VAV3: variants seen among roughly 807,000 people sequenced by gnomAD.
VAV3 encodes guanine nucleotide exchange factor VAV3.
In VAV3, 94 loss-of-function variants were observed where a neutral mutation model predicts 131.2. That is an observed-to-expected ratio of 0.72 (90% confidence interval 0.61 to 0.85). The LOEUF is 0.85. VAV3 is among the 40% of genes least tolerant of loss of function. VAV3 has a pLI of 0.00. For missense variants in VAV3, 939 were observed against 1,002.7 expected (o/e 0.94, Z 0.86); for synonymous variants, 349 against 342.0 (o/e 1.02, Z -0.22).
chr1:107,847,565 T>C (rs752620345), intron 2 of VAV3, among the ~76,000 whole-genome samples: 19 of 151,598 alleles, frequency 1.3e-4, no homozygotes, highest in Non-Finnish European at 8.8e-5. Context: ...CAAATAGACA[T>C]AATAAAAAAT....
intron 2 of VAV3, among the ~76,000 whole-genome samples, chr1:107,806,618 T>A (rs1182428417): frequency 1.3e-5 from 2 of 152,172 alleles, no homozygotes; most frequent in Non-Finnish European, 2.9e-5. Flanking sequence ...TTATTGTAAA[T>A]CCTCTATAAT....
At chr1:107,949,706 C>T (rs1044771920) in intron 1 of VAV3, among the ~76,000 whole-genome samples, 32 of 152,278 alleles carry the variant, frequency 2.1e-4, no homozygotes, top group African/African-American at 7.5e-4. Context: ...GAATTAATTG[C>T]TATATTTTAC....
intron 1 of VAV3, among the ~76,000 whole-genome samples, chr1:107,889,005 G>C (rs1353814577): frequency 6.6e-6 from 1 of 152,004 alleles, no homozygotes; most frequent in African/African-American, 2.4e-5. Flanking sequence ...CCCAGCACCA[G>C]TGGGTGGGTC....
At chr1:107,881,284 G>T (rs2101035768) in intron 1 of VAV3, among the ~76,000 whole-genome samples, 1 of 152,330 alleles carries the variant, frequency 6.6e-6, no homozygotes, top group East Asian at 1.9e-4. Context: ...ACATGGAAAA[G>T]AAATATTTGG....
intron 4 of VAV3, among the ~76,000 whole-genome samples, chr1:107,776,693 G>A (rs899282361): frequency 6.6e-6 from 1 of 152,130 alleles, no homozygotes; most frequent in African/African-American, 2.4e-5. Context: ...GAGGAGTAAC[G>A]ATCACGCATA....
intron 2 of VAV3, among the ~76,000 whole-genome samples, chr1:107,782,362 C>A (rs1182965717): frequency 6.6e-6 from 1 of 152,082 alleles, no homozygotes; most frequent in East Asian, 1.9e-4. Flanking sequence ...TTTCAGAAAA[C>A]TATAGCTTGA....
At chr1:107,639,162 C>CA (rs148064570) in intron 20 of VAV3, among the ~76,000 whole-genome samples, 11,195 of 150,428 alleles carry the variant, frequency 0.074, 508 homozygotes, top group Non-Finnish European at 0.11. Context: ...GTACCATATA[C>CA]AAAAAAAAAC....
intron 2 of VAV3, among the ~76,000 whole-genome samples, chr1:107,794,396 T>C (rs1469727822): frequency 6.6e-6 from 1 of 152,256 alleles, no homozygotes; most frequent in East Asian, 1.9e-4. Context: ...TGCTGAGGAC[T>C]ATGTCTGATT....
intron 1 of VAV3, among the ~76,000 whole-genome samples, chr1:107,957,900 G>A (rs7544079): frequency 0.066 from 9,890 of 148,924 alleles, 490 homozygotes; most frequent in African/African-American, 0.14. Context: ...AAAAAGACAC[G>A]ATCTCATTTC....
At chr1:107,887,377 T>C (rs1671086359) in intron 1 of VAV3, among the ~76,000 whole-genome samples, 1 of 152,226 alleles carries the variant, frequency 6.6e-6, no homozygotes, top group African/African-American at 2.4e-5. Context: ...CATAAATAAA[T>C]GTAATCTGAT....
chr1:107,784,517 C>T (rs930939397), intron 2 of VAV3, among the ~76,000 whole-genome samples: 1 of 152,136 alleles, frequency 6.6e-6, no homozygotes, highest in Non-Finnish European at 1.5e-5. Flanking sequence ...GGACAAAAGG[C>T]ATGATATTCA....
chr1:107,801,152 G>T (rs1490314480), intron 2 of VAV3, among the ~76,000 whole-genome samples: 1 of 151,870 alleles, frequency 6.6e-6, no homozygotes. Flanking sequence ...TATCTGGGTG[G>T]TCTATTCTGT....
intron 1 of VAV3, among the ~76,000 whole-genome samples, chr1:107,909,353 T>C (rs1300084288): frequency 6.6e-6 from 1 of 152,184 alleles, no homozygotes; most frequent in East Asian, 1.9e-4. Context: ...AAAAATGTTA[T>C]ATGAGTATTT....
intron 19 of VAV3, chr1:107,677,823 G>A (rs1452156430): frequency 6.6e-6 from 1 of 152,058 alleles, no homozygotes; most frequent in Admixed American, 6.6e-5. Flanking sequence ...CCTCACCTTT[G>A]TTCTGATTCT....
intron 13 of VAV3, 48 bp from the exon 14 acceptor site, chr1:107,749,642 G>A: frequency 1.9e-6 from 3 of 1,574,766 alleles, no homozygotes; most frequent in Non-Finnish European, 2.6e-6. Context: ...TTAGAAACAT[G>A]GGTTATTAAT....
intron 15 of VAV3, among the ~76,000 whole-genome samples, chr1:107,718,981 T>A (rs1438341962): frequency 6.6e-6 from 1 of 152,184 alleles, no homozygotes; most frequent in Non-Finnish European, 1.5e-5. Context: ...CAATAAATGG[T>A]GCTGGGAAAA....
At chr1:107,596,167 A>G (rs1244598692) in intron 25 of VAV3, 45 bp downstream of exon 25, 13 of 1,594,498 alleles carry the variant, frequency 8.2e-6, no homozygotes, top group Non-Finnish European at 1.1e-5. Flanking sequence ...TTGTGCCCCT[A>G]ATTTTTAAGT....
intron 1 of VAV3, among the ~76,000 whole-genome samples, chr1:107,884,409 T>TTATTATTATTATTATTATTAA (rs1557901049): frequency 5.9e-3 from 7 of 1,184 alleles, no homozygotes; most frequent in African/African-American, 9.2e-3. Flanking sequence ...AAATTATTTA[T>TTATTATTATTATTATTATTAA]TATTATTATT....
intron 24 of VAV3, among the ~76,000 whole-genome samples, chr1:107,600,320 C>T (rs565556011): frequency 6.7e-6 from 1 of 150,248 alleles, no homozygotes; most frequent in East Asian, 2.0e-4. Context: ...AAGCACTTTT[C>T]TGATATTGAG....
Sources: allele counts gnomAD v4.1 joint callset (sites outside exome capture counted in the v4.1 genomes callset), GRCh38; gene constraint gnomAD v4.1.1; transcripts MANE v1.5; gene names NCBI Gene and HGNC (gene_info 2026-07-23, HGNC 2026-07-21).